EML6: variants seen among roughly 807,000 people sequenced by gnomAD.
The protein encoded by EML6 is echinoderm microtubule-associated protein-like 6.
A neutral mutation model predicts 240.1 loss-of-function variants in EML6; 154 were observed. The ratio of observed to expected loss-of-function variants is 0.64; its 90% confidence interval spans 0.56 to 0.73. The LOEUF (loss-of-function observed/expected upper bound fraction) is 0.73, where lower values mean the gene tolerates loss of function less well. Ranked by LOEUF, EML6 falls within the 30% of genes least tolerant of loss-of-function variation. The probability of loss-of-function intolerance (pLI) is 0.00; values close to 1 mark genes in which losing one functional copy is unlikely to be tolerated. For missense variants in EML6, 2,964 were observed against 2,474.6 expected (o/e 1.20, Z -4.20); for synonymous variants, 1,148 against 899.0 (o/e 1.28, Z -4.95).
chr2:54,745,395 A>G (rs1683868602), intron 2 of EML6, among the ~76,000 whole-genome samples: 1 of 152,174 alleles, frequency 6.6e-6, no homozygotes, highest in Non-Finnish European at 1.5e-5. Context: ...GACTCATGTC[A>G]CAGACACTGA....
intron 26 of EML6, among the ~76,000 whole-genome samples, chr2:54,925,483 A>G (rs543828239): frequency 4.6e-5 from 7 of 152,270 alleles, no homozygotes; most frequent in African/African-American, 1.7e-4. Flanking sequence ...TGTGTCCAAA[A>G]TTCAAGTTCC....
chr2:54,877,756 G>A (rs539045706), intron 16 of EML6, among the ~76,000 whole-genome samples: 4 of 152,196 alleles, frequency 2.6e-5, no homozygotes, highest in African/African-American at 2.4e-5. Flanking sequence ...AAGTGTTAAC[G>A]TCTTCATCTA....
At chr2:54,923,711 T>C (rs1181511070) in intron 26 of EML6, among the ~76,000 whole-genome samples, 1 of 152,200 alleles carries the variant, frequency 6.6e-6, no homozygotes, top group African/African-American at 2.4e-5. Flanking sequence ...AAAAAGCTCA[T>C]GTACCTATAT....
At chr2:54,952,903 C>T (rs1218552534) in intron 31 of EML6, among the ~76,000 whole-genome samples, 1 of 152,104 alleles carries the variant, frequency 6.6e-6, no homozygotes, top group Non-Finnish European at 1.5e-5. Context: ...CTGACCAGCG[C>T]CTGAGAGTCC....
intron 2 of EML6, among the ~76,000 whole-genome samples, chr2:54,742,607 C>T (rs1428219031): frequency 1.3e-5 from 2 of 152,152 alleles, no homozygotes; most frequent in African/African-American, 2.4e-5. Context: ...CTCTGTGTCC[C>T]GGAGGCTCTT....
At chr2:54,802,473 A>G (rs1670205379) in intron 2 of EML6, among the ~76,000 whole-genome samples, 1 of 151,964 alleles carries the variant, frequency 6.6e-6, no homozygotes, top group South Asian at 2.1e-4. Context: ...AAAAAAATAA[A>G]AAAATTAGCC....
intron 2 of EML6, among the ~76,000 whole-genome samples, chr2:54,796,377 C>G (rs1156785095): frequency 1.3e-5 from 2 of 152,116 alleles, no homozygotes; most frequent in Non-Finnish European, 2.9e-5. Flanking sequence ...TTCAGAGAAT[C>G]CATTTCTTAA....
chr2:54,816,714 A>G (rs1009769191), intron 3 of EML6, 73 bp from the exon 4 acceptor site: 2 of 1,159,650 alleles, frequency 1.7e-6, no homozygotes, highest in Non-Finnish European at 2.5e-6. Flanking sequence ...CATAGTAAAT[A>G]GTAACTATTT....
Position 54,970,681 on chromosome 2 carries a change from G to C in EML6, c.*586G>C, listed in dbSNP as rs1676950240. Reference sequence around the variant, plus strand: ...ATTTGCAGAGTTTTATATCCATTAAGTGCCTTTGAAAGTTTCCAGTTGTGT... The same window carrying C: ...ATTTGCAGAGTTTTATATCCATTAACTGCCTTTGAAAGTTTCCAGTTGTGT... On this transcript the variant is annotated 3_prime_UTR_variant, in exon 42 of 42. Transcript: ENST00000356458. The C allele has an allele frequency of 6.5e-6, 1 of 153,326 alleles. No homozygotes were observed. Among genetic ancestry groups the C allele is most frequent in the Admixed American group, 6.4e-5 (1 of 15,520 alleles). The allele number at this position is 153,326 out of a possible 1,614,324, so 9.5% of individuals were successfully genotyped here.
chr2:54,785,519 T>G (rs1669043651), intron 2 of EML6, among the ~76,000 whole-genome samples: 2 of 152,144 alleles, frequency 1.3e-5, no homozygotes, highest in Admixed American at 6.5e-5. Flanking sequence ...AACACTTAAG[T>G]TCACCACAAT....
chr2:54,813,466 T>A, intron 3 of EML6, 75 bp downstream of exon 3: 1 of 1,254,062 alleles, frequency 8.0e-7, no homozygotes, highest in Non-Finnish European at 1.1e-6. Flanking sequence ...GAATAGCCAG[T>A]AGATTCAAAG....
chr2:54,906,222 AATGGAT>A (rs1673320109), intron 24 of EML6, among the ~76,000 whole-genome samples: 1 of 152,188 alleles, frequency 6.6e-6, no homozygotes, highest in African/African-American at 2.4e-5. Flanking sequence ...TAGCTGTCCT[AATGGAT>A]ATGAAGTGTA....
chr2:54,828,067 T>C (rs1006800854), intron 6 of EML6, among the ~76,000 whole-genome samples: 1 of 152,202 alleles, frequency 6.6e-6, no homozygotes, highest in African/African-American at 2.4e-5. Flanking sequence ...CATGAGTTTC[T>C]GGGGAATCAT....
At chr2:54,907,156 T>C (rs1258114239) in intron 24 of EML6, among the ~76,000 whole-genome samples, 1 of 152,186 alleles carries the variant, frequency 6.6e-6, no homozygotes, top group African/African-American at 2.4e-5. Context: ...ATAGAAAGGG[T>C]ATTTTCTAAA....
At chr2:54,785,315 A>C (rs1669032954) in intron 2 of EML6, among the ~76,000 whole-genome samples, 1 of 151,758 alleles carries the variant, frequency 6.6e-6, no homozygotes, top group Non-Finnish European at 1.5e-5. Flanking sequence ...AGCTGGGATT[A>C]CAGGTGTGAG....
intron 7 of EML6, among the ~76,000 whole-genome samples, chr2:54,835,504 A>G (rs1001043040): frequency 2.6e-5 from 4 of 152,184 alleles, no homozygotes; most frequent in Non-Finnish European, 5.9e-5. Flanking sequence ...AGGGCCAACT[A>G]CAGGAGGTCT....
intron 10 of EML6, 49 bp downstream of exon 10, chr2:54,850,267 C>T: frequency 6.6e-7 from 1 of 1,510,470 alleles, no homozygotes; most frequent in Non-Finnish European, 9.0e-7. Context: ...AAATTTTGAA[C>T]CAGGTGAAGG....
chr2:54,835,177 A>G (rs1669076334), intron 7 of EML6, among the ~76,000 whole-genome samples: 1 of 152,164 alleles, frequency 6.6e-6, no homozygotes, highest in Non-Finnish European at 1.5e-5. Context: ...TTCTGCCTCT[A>G]CCACTCCAAG....
At chr2:54,829,599 C>G in intron 7 of EML6, 122 bp downstream of exon 7, 2 of 680,150 alleles carry the variant, frequency 2.9e-6, no homozygotes, top group Non-Finnish European at 2.3e-6. Context: ...ATATTGAATA[C>G]AAGCAAAAGT....
Sources: allele counts gnomAD v4.1 joint callset (sites outside exome capture counted in the v4.1 genomes callset), GRCh38; gene constraint gnomAD v4.1.1; transcripts MANE v1.5; gene names NCBI Gene and HGNC (gene_info 2026-07-23, HGNC 2026-07-21).